The following PALM2AKAP2 variants were observed in gnomAD, a reference collection of about 807,000 sequenced individuals.
The protein encoded by PALM2AKAP2 is PALM2 and AKAP2 fusion.
A neutral mutation model predicts 71.5 loss-of-function variants in PALM2AKAP2; 37 were observed. That is an observed-to-expected ratio of 0.52 (90% CI 0.40 to 0.68). The LOEUF is 0.68. PALM2AKAP2 is among the 30% of genes least tolerant of loss of function. The pLI, the probability that PALM2AKAP2 is intolerant of heterozygous loss-of-function variation, is 0.00. For synonymous variants in PALM2AKAP2, 468 were observed against 478.8 expected, an observed-to-expected ratio of 0.98 and a Z score of 0.29; for missense variants, 1,224 against 1,191.8, an observed-to-expected ratio of 1.03 and a Z score of -0.40.
At chr9:110,124,575 C>T (rs1289353852) in intron 1 of PALM2AKAP2, among the ~76,000 whole-genome samples, 3 of 152,156 alleles carry the variant, frequency 2.0e-5, no homozygotes, top group African/African-American at 4.8e-5. Context: ...TGTTATCAGG[C>T]AGGGGGCACT....
intron 1 of PALM2AKAP2, among the ~76,000 whole-genome samples, chr9:109,726,214 T>A (rs1828474302): frequency 6.6e-6 from 1 of 152,238 alleles, no homozygotes; most frequent in Non-Finnish European, 1.5e-5. Flanking sequence ...CTGGGCTCAG[T>A]CAATCAGCTG....
rs765530980 is a variant in PALM2AKAP2 at position 109,737,356 on chromosome 9, G to T, written c.6-43132G>T. 3.9e-5 allele frequency among the ~76,000 whole-genome samples: 6 copies of T among 152,368 alleles called. 1 individual carries two copies. In the South Asian group the frequency reaches 1.2e-3, roughly 32 times the overall value. On this transcript the variant is annotated intron_variant, in intron 1 of 6. Coordinates refer to the PALM2AKAP2 transcript ENST00000374531. ...GTTCTGTGACAGCACAGTTAGGACTGTGCAGTCATGGGAGGTGACTAACAA... is the reference window on the plus strand; with the variant it reads ...GTTCTGTGACAGCACAGTTAGGACTTTGCAGTCATGGGAGGTGACTAACAA...
chr9:109,854,292 G>T (rs1327244213), intron 1 of PALM2AKAP2, among the ~76,000 whole-genome samples: 3 of 152,182 alleles, frequency 2.0e-5, no homozygotes, highest in Admixed American at 1.3e-4. Context: ...CTCTGGATTT[G>T]CCATCATCAG....
At chr9:110,144,225 C>T (rs1291345103) in intron 2 of PALM2AKAP2, among the ~76,000 whole-genome samples, 6 of 152,228 alleles carry the variant, frequency 3.9e-5, no homozygotes, top group Non-Finnish European at 8.8e-5. Context: ...TGAGAGAGCT[C>T]TCCATCAGTA....
chr9:109,939,836 G>A (rs1831318380), intron 6 of PALM2AKAP2, among the ~76,000 whole-genome samples: 2 of 152,200 alleles, frequency 1.3e-5, no homozygotes, highest in Non-Finnish European at 2.9e-5. Context: ...TGTGTCACTT[G>A]AAGAAACTTG....
chr9:109,831,986 G>T (rs1001302572), intron 1 of PALM2AKAP2, among the ~76,000 whole-genome samples: 1 of 152,178 alleles, frequency 6.6e-6, no homozygotes, highest in South Asian at 2.1e-4. Context: ...ACTATCTAGA[G>T]TATAAATATT....
chr9:109,899,915 A>G (rs1334160575), intron 3 of PALM2AKAP2, among the ~76,000 whole-genome samples: 1 of 152,220 alleles, frequency 6.6e-6, no homozygotes, highest in Admixed American at 6.5e-5. Flanking sequence ...GTCATAGTAC[A>G]TTGGAAGCTG....
At chr9:109,747,830 T>A (rs931858616) in intron 1 of PALM2AKAP2, among the ~76,000 whole-genome samples, 1 of 152,032 alleles carries the variant, frequency 6.6e-6, no homozygotes, top group African/African-American at 2.4e-5. Flanking sequence ...CCACCAGGCC[T>A]GGCTAATTTT....
intron 1 of PALM2AKAP2, among the ~76,000 whole-genome samples, chr9:109,735,732 C>T (rs1192600808): frequency 6.6e-6 from 1 of 151,164 alleles, no homozygotes; most frequent in Admixed American, 6.6e-5. Flanking sequence ...AATAGAGTTC[C>T]CTTGGGATGT....
chr9:109,730,344 G>A (rs935987873), intron 1 of PALM2AKAP2, among the ~76,000 whole-genome samples: 13 of 152,084 alleles, frequency 8.5e-5, no homozygotes, highest in South Asian at 2.1e-4. Context: ...CTGGACTTTC[G>A]CCAAAACATA....
At chr9:109,955,815 T>C (rs1831735791) in intron 6 of PALM2AKAP2, among the ~76,000 whole-genome samples, 1 of 151,956 alleles carries the variant, frequency 6.6e-6, no homozygotes. Context: ...TGCGTATCTG[T>C]GGTCCCAGCT....
intron 1 of PALM2AKAP2, among the ~76,000 whole-genome samples, chr9:109,699,528 A>G (rs1828021556): frequency 6.6e-6 from 1 of 152,222 alleles, no homozygotes; most frequent in Non-Finnish European, 1.5e-5. Context: ...ACAAAATTAT[A>G]GGCCAGAACA....
chr9:110,135,188 T>TATATATATAA (rs1484544851), intron 1 of PALM2AKAP2, among the ~76,000 whole-genome samples: 7 of 93,534 alleles, frequency 7.5e-5, no homozygotes, highest in African/African-American at 3.1e-4. Context: ...TATATATATA[T>TATATATATAA]AAATCAGCCA....
chr9:110,030,940 A>G (rs1003926554), intron 7 of PALM2AKAP2, among the ~76,000 whole-genome samples: 1 of 152,208 alleles, frequency 6.6e-6, no homozygotes, highest in African/African-American at 2.4e-5. Context: ...TTCCTCAGAA[A>G]TTAGTCAGTG....
At chr9:109,841,025 C>A (rs979144410) in intron 1 of PALM2AKAP2, among the ~76,000 whole-genome samples, 2 of 152,004 alleles carry the variant, frequency 1.3e-5, no homozygotes, top group African/African-American at 4.8e-5. Flanking sequence ...GGGTATATAC[C>A]CAAAGGATTA....
chr9:109,837,054 A>G (rs1828500739), intron 1 of PALM2AKAP2, among the ~76,000 whole-genome samples: 2 of 152,184 alleles, frequency 1.3e-5, no homozygotes, highest in Non-Finnish European at 1.5e-5. Context: ...CCTCGAGAAG[A>G]GCAACTCCAA....
At position 109,700,070 on chromosome 9, in the gene PALM2AKAP2, G is replaced by A. The variant is rs565892001; in HGVS notation, c.5+59204G>A. Among the ~76,000 whole-genome samples the A allele has an allele frequency of 2.3e-4, 35 of 152,166 alleles. No homozygotes were observed. In the South Asian group the frequency reaches 7.3e-3, roughly 32 times the overall value. Reference sequence around the variant, plus strand: ...ATTACAGGCTTGAGCCACTGTGCCTGGCCTACTCTTATAATACATTAAAAT... The same window carrying A: ...ATTACAGGCTTGAGCCACTGTGCCTAGCCTACTCTTATAATACATTAAAAT... On this transcript the variant is annotated intron_variant, in intron 1 of 6. Coordinates refer to the PALM2AKAP2 transcript ENST00000374531.
chr9:109,834,442 AG>A (rs1195765558), intron 1 of PALM2AKAP2, among the ~76,000 whole-genome samples: 1 of 152,204 alleles, frequency 6.6e-6, no homozygotes, highest in Non-Finnish European at 1.5e-5. Context: ...GAGTCTTAGC[AG>A]GCTTGCCTTT....
At chr9:110,023,518 T>C (rs1833114882) in intron 7 of PALM2AKAP2, among the ~76,000 whole-genome samples, 2 of 151,836 alleles carry the variant, frequency 1.3e-5, no homozygotes, top group African/African-American at 4.8e-5. Flanking sequence ...TTCTCCATGT[T>C]GGTCAGGCTT....
Sources: gnomAD v4.1 joint callset for allele counts (sites outside exome capture counted in the v4.1 genomes callset) on GRCh38, gnomAD v4.1.1 for gene constraint, MANE v1.5 for transcripts, NCBI Gene and HGNC (gene_info 2026-07-23, HGNC 2026-07-21) for gene names.